Variants in TMEM131L observed in about 807,000 individuals in gnomAD.
The protein encoded by TMEM131L is transmembrane 131 like, also known as transmembrane protein 131-like.
A neutral mutation model predicts 192.2 loss-of-function variants in TMEM131L; 54 were observed. The observed-to-expected ratio is 0.28, with a 90% CI of 0.23 to 0.35. TMEM131L has a LOEUF of 0.35. Ranked by LOEUF, TMEM131L falls within the 10% of genes least tolerant of loss-of-function variation. The probability of loss-of-function intolerance (pLI) is 1.00; values close to 1 mark genes in which losing one functional copy is unlikely to be tolerated. For synonymous variants in TMEM131L, 701 were observed against 704.9 expected (o/e 0.99, Z 0.09); for missense variants, 1,888 against 1,972.9 (o/e 0.96, Z 0.82).
rs563126585 is a variant in TMEM131L at position 153,583,403 on chromosome 4, T to G, written c.951+155T>G. Reference sequence around the variant, plus strand: ...ATTTGCCCTTGCTTGAACCTCTGTTTGTATGAAGATTGTCAGCATCCCCTC... The same window carrying G: ...ATTTGCCCTTGCTTGAACCTCTGTTGGTATGAAGATTGTCAGCATCCCCTC... On this transcript the variant is annotated intron_variant, in intron 10 of 34. Transcript: ENST00000409959. 24 of 750,518 alleles carry G rather than the reference T, an allele frequency of 3.2e-5. No homozygotes were observed. In the African/African-American group the frequency reaches 4.2e-4, roughly 13 times the overall value. The allele number at this position is 750,518 out of a possible 1,614,324, so 46.5% of individuals were successfully genotyped here.
At chr4:153,480,572 C>G (rs547444271) in intron 3 of TMEM131L, among the ~76,000 whole-genome samples, 2 of 149,754 alleles carry the variant, frequency 1.3e-5, no homozygotes, top group South Asian at 4.3e-4. Context: ...TTTATAGGAT[C>G]TCACATTTTT....
intron 15 of TMEM131L, among the ~76,000 whole-genome samples, chr4:153,588,227 A>G (rs1730828949): frequency 6.6e-6 from 1 of 150,598 alleles, no homozygotes; most frequent in African/African-American, 2.4e-5. Context: ...GTGATTTGAG[A>G]CTGAAGGGCC....
At chr4:153,583,129 A>T in intron 9 of TMEM131L, 61 bp from the exon 10 acceptor site, 1 of 819,784 alleles carries the variant, frequency 1.2e-6, no homozygotes, top group Non-Finnish European at 2.2e-6. Context: ...TGAGAATGAG[A>T]TGGCTCTGTT....
In TMEM131L at chr4:153,583,570, C is replaced by T. The variant is rs142668158; in HGVS notation, c.958C>T (p.Arg320Cys). 25 of 1,602,790 alleles carry T rather than the reference C, an allele frequency of 1.6e-5. No individual in the cohort carries two copies. Among genetic ancestry groups the T allele is most frequent in the South Asian group, 3.3e-5 (3 of 90,524 alleles). ...GNSLIWIQDI[R>C]HFSQRDALSL... is the part of the protein sequence containing the mutation. ...GACTTTTCTTTTATTTCAGGATATACGCCATTTCTCACAGAGAGATGCTCT... is the reference window on the plus strand; with the variant it reads ...GACTTTTCTTTTATTTCAGGATATATGCCATTTCTCACAGAGAGATGCTCT... The change falls in exon 11 of 35, where the codon CGC (arginine) becomes TGC (cysteine). Residue 320 changes from arginine to cysteine, a missense_variant. Arg to Cys is a radical substitution (Grantham distance 180). Transcript: ENST00000409959.
intron 3 of TMEM131L, among the ~76,000 whole-genome samples, chr4:153,484,776 G>A (rs572185706): frequency 3.2e-4 from 47 of 145,492 alleles, no homozygotes; most frequent in African/African-American, 1.1e-3. Context: ...CCATAGGGAT[G>A]TAGTTTTTAA....
Position 153,556,949 on chromosome 4 carries a change from G to A in TMEM131L, c.433-17G>A, listed in dbSNP as rs1342329999. On this transcript the variant is annotated splice_polypyrimidine_tract_variant and intron_variant, in intron 5 of 34. Transcript: ENST00000409959. Reference sequence around the variant, plus strand: ...AGGAGGCCATTCCAAGTGGCTGACTGGGGACCTTTCTTTCAGGTAATTCCA... The same window carrying A: ...AGGAGGCCATTCCAAGTGGCTGACTAGGGACCTTTCTTTCAGGTAATTCCA... 1 of 1,265,720 alleles carries A rather than the reference G, an allele frequency of 7.9e-7. No homozygotes were observed. 78.4% of individuals were successfully genotyped at this position (1,265,720 alleles called of 1,614,324 possible).
At chr4:153,611,740 T>G (rs967983529) in intron 25 of TMEM131L, among the ~76,000 whole-genome samples, 28 of 152,236 alleles carry the variant, frequency 1.8e-4, no homozygotes, top group African/African-American at 6.3e-4. Context: ...TGTCCTTTCA[T>G]ATCTGGCTAA....
intron 31 of TMEM131L, 38 bp downstream of exon 31, chr4:153,627,725 G>A: frequency 6.5e-7 from 1 of 1,527,138 alleles, no homozygotes; most frequent in South Asian, 1.1e-5. Flanking sequence ...ATCAGCCAAG[G>A]GTTCTGTGCT....
intron 3 of TMEM131L, among the ~76,000 whole-genome samples, chr4:153,534,458 G>C (rs183551139): frequency 6.6e-6 from 1 of 152,150 alleles, no homozygotes; most frequent in Admixed American, 6.5e-5. Flanking sequence ...TTTTGAGACA[G>C]AGTCTTGCTC....
At chr4:153,494,340 A>G (rs563712342) in intron 3 of TMEM131L, among the ~76,000 whole-genome samples, 15 of 152,350 alleles carry the variant, frequency 9.8e-5, no homozygotes, top group Non-Finnish European at 1.6e-4. Flanking sequence ...AATTAGGAGC[A>G]ACTTAATGTC....
rs139673482 is a variant in TMEM131L, at chr4:153,583,627, A to T, written c.1015A>T (p.Thr339Ser). 1 of 1,609,600 alleles carries T rather than the reference A, an allele frequency of 6.2e-7. No homozygotes were observed. Among genetic ancestry groups the T allele is most frequent in the Non-Finnish European group, 8.5e-7 (1 of 1,178,622 alleles). The part of the protein sequence containing the change: ...SLQFEPVLLP[T>S]STTNFTKIAS... ...GCAGTTTGAACCAGTACTACTACCT[A>T]CTTCTACAACAAACTTTACAAAAAT... The change falls in exon 11 of 35, where the codon ACT becomes TCT. Residue 339 changes from threonine (T) to serine (S), a missense_variant. Transcript: ENST00000409959.
intron 7 of TMEM131L, among the ~76,000 whole-genome samples, chr4:153,561,211 T>C (rs1293521871): frequency 6.6e-6 from 1 of 152,232 alleles, no homozygotes. Flanking sequence ...TCATATCCTT[T>C]GCACATTTTA....
chr4:153,514,272 T>A (rs1580113007), intron 3 of TMEM131L, among the ~76,000 whole-genome samples: 1 of 152,376 alleles, frequency 6.6e-6, no homozygotes, highest in East Asian at 1.9e-4. Context: ...GTGTGAGGTC[T>A]ACACAATGCA....
intron 5 of TMEM131L, among the ~76,000 whole-genome samples, chr4:153,556,696 G>A (rs957550711): frequency 1.6e-4 from 25 of 152,218 alleles, no homozygotes; most frequent in Non-Finnish European, 3.2e-4. Flanking sequence ...ACCTGTGGAG[G>A]TGGAAGAGGA....
intron 26 of TMEM131L, among the ~76,000 whole-genome samples, chr4:153,612,910 T>C (rs1482628588): frequency 6.6e-6 from 1 of 152,172 alleles, no homozygotes; most frequent in Non-Finnish European, 1.5e-5. Context: ...TGATACATCA[T>C]AATGGGAATA....
chr4:153,470,250 T>G (rs150143792), intron 2 of TMEM131L, among the ~76,000 whole-genome samples: 94 of 152,274 alleles, frequency 6.2e-4, no homozygotes, highest in African/African-American at 2.2e-3. Flanking sequence ...TTCAGAAGAC[T>G]TTGAGAAGAT....
intron 3 of TMEM131L, among the ~76,000 whole-genome samples, chr4:153,495,760 T>G (rs1296407508): frequency 6.6e-6 from 1 of 152,188 alleles, no homozygotes; most frequent in African/African-American, 2.4e-5. Flanking sequence ...AGGAATTTCC[T>G]TGTGGGTAAA....
intron 3 of TMEM131L, among the ~76,000 whole-genome samples, chr4:153,485,719 G>T (rs1732284987): frequency 1.3e-5 from 2 of 152,106 alleles, no homozygotes; most frequent in African/African-American, 4.8e-5. Flanking sequence ...CATTTTTGGT[G>T]GAGTAATTCT....
At chr4:153,541,707 AG>A (rs1225033250) in intron 3 of TMEM131L, among the ~76,000 whole-genome samples, 43 of 152,324 alleles carry the variant, frequency 2.8e-4, no homozygotes, top group African/African-American at 8.9e-4. Flanking sequence ...TGAGCTGAAA[AG>A]ATGTTGGGCA....
Sources: gnomAD v4.1 joint callset for allele counts (sites outside exome capture counted in the v4.1 genomes callset) on GRCh38, gnomAD v4.1.1 for gene constraint, MANE v1.5 for transcripts, NCBI Gene and HGNC (gene_info 2026-07-23, HGNC 2026-07-21) for gene names.